Variants in CDH10 observed in about 807,000 individuals in gnomAD.
CDH10 encodes cadherin-10.
Under a neutral mutation model 73.1 loss-of-function variants are expected in CDH10, and 30 were observed. That is an observed-to-expected ratio of 0.41 (90% confidence interval 0.31 to 0.56). The LOEUF (loss-of-function observed/expected upper bound fraction) is 0.56. CDH10 is among the 20% of genes least tolerant of loss of function. CDH10 has a pLI of 0.27. For missense variants in CDH10, 815 were observed against 973.7 expected (o/e 0.84, Z 2.17); for synonymous variants, 345 against 348.2 (o/e 0.99, Z 0.10).
At chr5:24,566,778 G>T (rs897474122) in intron 2 of CDH10, among the ~76,000 whole-genome samples, 11 of 151,874 alleles carry the variant, frequency 7.2e-5, no homozygotes, top group African/African-American at 2.7e-4. Context: ...ATAACCTTAT[G>T]ATCTTAAGGT....
chr5:24,532,342 T>C (rs1743783011), intron 5 of CDH10, among the ~76,000 whole-genome samples: 1 of 152,106 alleles, frequency 6.6e-6, no homozygotes. Context: ...ACTGAGTCCA[T>C]GCTTCCTAGA....
At chr5:24,496,840 C>T (rs1561122859) in intron 9 of CDH10, among the ~76,000 whole-genome samples, 1 of 152,190 alleles carries the variant, frequency 6.6e-6, no homozygotes, top group East Asian at 1.9e-4. Context: ...CCTAGAATCT[C>T]ATCCCTTAAT....
intron 1 of CDH10, among the ~76,000 whole-genome samples, chr5:24,617,824 A>T (rs1021329548): frequency 1.9e-4 from 29 of 152,172 alleles, no homozygotes; most frequent in Non-Finnish European, 4.0e-4. Flanking sequence ...CGCCTGATGC[A>T]CTTGGATCAC....
At chr5:24,510,077 C>G (rs1453735190) in intron 6 of CDH10, among the ~76,000 whole-genome samples, 1 of 152,156 alleles carries the variant, frequency 6.6e-6, no homozygotes, top group African/African-American at 2.4e-5. Context: ...GGGATGGAAG[C>G]TGAAACCTAT....
chr5:24,611,376 G>A (rs1377937004), intron 1 of CDH10, among the ~76,000 whole-genome samples: 1 of 151,922 alleles, frequency 6.6e-6, no homozygotes, highest in African/African-American at 2.4e-5. Flanking sequence ...GACACCAAGA[G>A]TTTGAGACCA....
At chr5:24,605,095 T>A (rs532478873) in intron 1 of CDH10, among the ~76,000 whole-genome samples, 5 of 152,086 alleles carry the variant, frequency 3.3e-5, no homozygotes, top group Non-Finnish European at 5.9e-5. Flanking sequence ...AAAATAAGCA[T>A]ATAAAGACTT....
chr5:24,578,952 G>A (rs1745695094), intron 2 of CDH10, among the ~76,000 whole-genome samples: 2 of 151,726 alleles, frequency 1.3e-5, no homozygotes, highest in Admixed American at 1.3e-4. Flanking sequence ...TTTTAAACAA[G>A]CAAATGGAAG....
At chr5:24,611,127 G>A in intron 1 of CDH10, among the ~76,000 whole-genome samples, 1 of 152,158 alleles carries the variant, frequency 6.6e-6, no homozygotes, top group East Asian at 1.9e-4. Context: ...AGAGACAGTT[G>A]CTCAGTAAGT....
intron 2 of CDH10, among the ~76,000 whole-genome samples, chr5:24,566,127 C>T (rs1745157718): frequency 1.3e-5 from 2 of 152,242 alleles, no homozygotes; most frequent in Middle Eastern, 6.8e-3. Flanking sequence ...CAGCTCACTG[C>T]AATCTCTGTC....
At chr5:24,579,946 A>G (rs907528036) in intron 2 of CDH10, among the ~76,000 whole-genome samples, 1 of 152,186 alleles carries the variant, frequency 6.6e-6, no homozygotes, top group Admixed American at 6.5e-5. Context: ...ATCTTACTCT[A>G]TCTAAAGCTG....
Position 24,593,691 on chromosome 5 carries a change from C to A in CDH10, c.-123-78G>T, listed in dbSNP as rs1579453688. 2.7e-5 allele frequency: 14 copies of A among 523,908 alleles called. No individual in the cohort carries two copies. In the East Asian group the frequency reaches 4.3e-4, roughly 16 times the overall value. The allele number at this position is 523,908 out of a possible 1,614,324, so 32.5% of individuals were successfully genotyped here. A position where few individuals can be genotyped will look rare whatever the true frequency, so the allele number is the denominator to read the frequency against. On this transcript the variant is annotated intron_variant, in intron 1 of 11. Coordinates refer to ENST00000264463, the MANE Select transcript of CDH10 (RefSeq NM_006727.5). ...ACTTTTCATTTAAAATTTAAAGTGACAATAGTTTATTAATAACAACCAAAA... is the reference window on the plus strand; with the variant it reads ...ACTTTTCATTTAAAATTTAAAGTGAAAATAGTTTATTAATAACAACCAAAA...
At chr5:24,506,119 A>C (rs2111732595) in intron 7 of CDH10, among the ~76,000 whole-genome samples, 1 of 152,192 alleles carries the variant, frequency 6.6e-6, no homozygotes, top group South Asian at 2.1e-4. Context: ...CGTCAAAAAA[A>C]AAAAAAAAAA....
rs1561159136 is a variant in CDH10, at chr5:24,554,104, AGGTGGGCGGGG to A, written c.232-16441_232-16431del. ...GAGAGACAGAGAGAGAGAGAAGGGG[AGGTGGGCGGGG>A]GGGGGAGAGAGAGAGACATTCAATC... On this transcript the variant is annotated intron_variant, in intron 2 of 11. Coordinates refer to ENST00000264463, the MANE Select transcript of CDH10 (RefSeq NM_006727.5). The A allele has an allele frequency of 7.5e-4, 29 of 38,602 alleles. 2 individuals are homozygous for A. The highest frequency in any genetic ancestry group is 8.6e-4 in the African/African-American group (10 of 11,586). The allele number at this position is 38,602 out of a possible 1,614,324, so 2.4% of individuals were successfully genotyped here.
intron 1 of CDH10, among the ~76,000 whole-genome samples, chr5:24,634,225 C>T (rs1003518009): frequency 6.6e-6 from 1 of 151,808 alleles, no homozygotes; most frequent in African/African-American, 2.4e-5. Context: ...AAATTAATTT[C>T]TCCTCTAATT....
chr5:24,507,406 A>G (rs964419465), intron 7 of CDH10, among the ~76,000 whole-genome samples: 1 of 151,186 alleles, frequency 6.6e-6, no homozygotes. Context: ...GGAATATAAT[A>G]TGTATAATAA....
At chr5:24,493,629 T>G (rs1225811357) in intron 9 of CDH10, among the ~76,000 whole-genome samples, 1 of 151,906 alleles carries the variant, frequency 6.6e-6, no homozygotes, top group Admixed American at 6.6e-5. Context: ...GTATGTATGA[T>G]GTATATATAT....
chr5:24,567,558 C>T (rs1309111589), intron 2 of CDH10, among the ~76,000 whole-genome samples: 1 of 151,402 alleles, frequency 6.6e-6, no homozygotes, highest in African/African-American at 2.4e-5. Context: ...AGTGTATGCT[C>T]CAAAGGTCCA....
At chr5:24,500,760 T>C (rs1437217946) in intron 8 of CDH10, among the ~76,000 whole-genome samples, 3 of 152,232 alleles carry the variant, frequency 2.0e-5, no homozygotes, top group Non-Finnish European at 4.4e-5. Context: ...ATTACCATCA[T>C]CTTTATTATC....
intron 11 of CDH10, among the ~76,000 whole-genome samples, 193 bp downstream of exon 11, chr5:24,491,383 A>AACTATC (rs71274263): frequency 5.3e-4 from 2 of 3,770 alleles, no homozygotes. Flanking sequence ...CTATTACTAC[A>AACTATC]ACAAAAATTC....
Sources: gnomAD v4.1 joint callset for allele counts (sites outside exome capture counted in the v4.1 genomes callset) on GRCh38, gnomAD v4.1.1 for gene constraint, MANE v1.5 for transcripts, NCBI Gene and HGNC (gene_info 2026-07-23, HGNC 2026-07-21) for gene names.